SLC12A2: variants seen among roughly 807,000 people sequenced by gnomAD.
SLC12A2 encodes solute carrier family 12 member 2.
A neutral mutation model predicts 136.3 loss-of-function variants in SLC12A2; 67 were observed. That is an observed-to-expected ratio of 0.49 (90% CI 0.40 to 0.60). The LOEUF (loss-of-function observed/expected upper bound fraction) is 0.60, where lower values mean the gene tolerates loss of function less well. Among genes scored for constraint, SLC12A2 ranks in the 20% least tolerant of loss-of-function variants. SLC12A2 has a pLI of 0.00. For synonymous variants in SLC12A2, 619 were observed against 562.9 expected, an observed-to-expected ratio of 1.10 and a Z score of -1.41; for missense variants, 1,322 against 1,534.7, an observed-to-expected ratio of 0.86 and a Z score of 2.32.
intron 17 of SLC12A2, among the ~76,000 whole-genome samples, chr5:128,166,402 T>G (rs1763204654): frequency 6.6e-6 from 1 of 151,864 alleles, no homozygotes; most frequent in Non-Finnish European, 1.5e-5. Context: ...GCTGTTTTAT[T>G]CACAATAGCC....
chr5:128,110,915 GC>G (rs1449385174), intron 1 of SLC12A2: 42 of 985,278 alleles, frequency 4.3e-5, no homozygotes, highest in Middle Eastern at 2.6e-4. Flanking sequence ...ATCTGAGAGG[GC>G]ATGAAAAGGG....
intron 17 of SLC12A2, among the ~76,000 whole-genome samples, chr5:128,164,907 G>A (rs1250373274): frequency 4.1e-5 from 6 of 147,058 alleles, no homozygotes; most frequent in Non-Finnish European, 8.9e-5. Flanking sequence ...GAGTGCAGTA[G>A]CTGTAGCTGA....
At chr5:128,117,356 A>G (rs1403846189) in intron 4 of SLC12A2, among the ~76,000 whole-genome samples, 1 of 152,242 alleles carries the variant, frequency 6.6e-6, no homozygotes, top group Non-Finnish European at 1.5e-5. Flanking sequence ...GTAAATCCAT[A>G]AGTTAACAAT....
At chr5:128,087,760 T>C (rs918654033) in intron 1 of SLC12A2, among the ~76,000 whole-genome samples, 3 of 152,160 alleles carry the variant, frequency 2.0e-5, no homozygotes, top group Non-Finnish European at 2.9e-5. Context: ...CTCAAGTGAT[T>C]ACTGTGGTCT....
At chr5:128,133,988 C>T (rs1002279323) in intron 5 of SLC12A2, among the ~76,000 whole-genome samples, 177 bp from the exon 6 acceptor site, 2 of 152,022 alleles carry the variant, frequency 1.3e-5, no homozygotes, top group African/African-American at 4.8e-5. Context: ...GAATGACTAA[C>T]ACCTCAGTGG....
At position 128,167,832 on chromosome 5, in the gene SLC12A2, T is replaced by C; in HGVS notation, c.2688T>C (p.Asp896=). The C allele has an allele frequency of 6.2e-7, 1 of 1,606,618 alleles. No homozygotes were observed. Among genetic ancestry groups the C allele is most frequent in the Non-Finnish European group, 8.5e-7 (1 of 1,175,758 alleles). ...LGFKKDWLQA[D]MRDVDMYINL... ...TTAAGAAAGATTGGTTGCAAGCAGA[T>C]ATGAGGGATGTGGATATGTATATAA... is the stretch of plus-strand genomic sequence containing the variant. Residue 896 remains aspartate, a synonymous_variant, in exon 18 of 27, where the codon GAT becomes GAC. Transcript: ENST00000262461.
chr5:128,147,903 T>G (rs1229326519), intron 11 of SLC12A2, among the ~76,000 whole-genome samples, 174 bp downstream of exon 11: 2 of 128,036 alleles, frequency 1.6e-5, no homozygotes, highest in African/African-American at 4.0e-5. Flanking sequence ...TGAATGAATG[T>G]GAATGTTTAT....
intron 21 of SLC12A2, chr5:128,177,486 C>G (rs1194518664): frequency 5.5e-6 from 1 of 180,802 alleles, no homozygotes; most frequent in African/African-American, 2.4e-5. Context: ...GTGTCACTTG[C>G]ATTCTTTACC....
In SLC12A2 at chr5:128,161,655, C is replaced by T; in HGVS notation, c.2476-5C>T. 7.3e-7 allele frequency: 1 copy of T among 1,368,680 alleles called. No individual in the cohort carries two copies. The highest frequency in any genetic ancestry group is 2.9e-5 in the East Asian group (1 of 34,218). 84.8% of individuals were successfully genotyped at this position (1,368,680 alleles called of 1,614,324 possible). On this transcript the variant is annotated splice_polypyrimidine_tract_variant and splice_region_variant and intron_variant, in intron 16 of 26. Transcript: ENST00000262461. ...TAAATATATTATTAATATTTTTATT[C>T]AAAGGGTCCTCGAAGACAAGCCATG...
intron 26 of SLC12A2, among the ~76,000 whole-genome samples, chr5:128,185,884 T>C (rs146426892): frequency 7.2e-5 from 11 of 152,218 alleles, no homozygotes; most frequent in African/African-American, 2.6e-4. Context: ...CTTTTATATA[T>C]GCATATATGA....
chr5:128,126,209 G>A (rs1364172761), intron 4 of SLC12A2, among the ~76,000 whole-genome samples: 1 of 152,134 alleles, frequency 6.6e-6, no homozygotes, highest in Non-Finnish European at 1.5e-5. Flanking sequence ...TATATAAGGA[G>A]CTCAAACAAC....
chr5:128,121,727 A>G (rs1217152963), intron 4 of SLC12A2, among the ~76,000 whole-genome samples: 2 of 152,158 alleles, frequency 1.3e-5, no homozygotes, highest in Non-Finnish European at 2.9e-5. Flanking sequence ...GATAACGTTT[A>G]CTTTATTTCT....
chr5:128,087,727 G>A (rs1369676910), intron 1 of SLC12A2, among the ~76,000 whole-genome samples: 1 of 152,148 alleles, frequency 6.6e-6, no homozygotes, highest in Non-Finnish European at 1.5e-5. Context: ...GGATTGGCAG[G>A]GGCAAGAATG....
intron 5 of SLC12A2, among the ~76,000 whole-genome samples, chr5:128,133,608 A>C (rs1321999925): frequency 6.6e-6 from 1 of 152,078 alleles, no homozygotes; most frequent in Non-Finnish European, 1.5e-5. Flanking sequence ...AGTAATTGAT[A>C]AATAGCTTTT....
rs1406402350 is a variant in SLC12A2, at chr5:128,111,826, G to GTA, written c.757-974_757-973dup. On this transcript the variant is annotated intron_variant, in intron 1 of 26. Coordinates refer to ENST00000262461, the MANE Select transcript of SLC12A2 (RefSeq NM_001046.3). ...TGTGTGTATATACGTGTGTGTGTGT[G>GTA]TATATATATATATATGGAGAGAGAG... 7.3e-3 allele frequency among the ~76,000 whole-genome samples: 1,081 copies of GTA among 148,402 alleles called. 9 individuals carry two copies. Among genetic ancestry groups the GTA allele is most frequent in the South Asian group, 0.017 (79 of 4,690 alleles).
chr5:128,096,715 G>A (rs2126647014), intron 1 of SLC12A2, among the ~76,000 whole-genome samples: 1 of 152,186 alleles, frequency 6.6e-6, no homozygotes, highest in South Asian at 2.1e-4. Flanking sequence ...GTTGGGTTTA[G>A]AGAAAATATT....
At chr5:128,126,312 A>G (rs1231698633) in intron 4 of SLC12A2, among the ~76,000 whole-genome samples, 1 of 152,238 alleles carries the variant, frequency 6.6e-6, no homozygotes, top group African/African-American at 2.4e-5. Context: ...GCAAGCAGGC[A>G]TATGAAAAGG....
intron 9 of SLC12A2, among the ~76,000 whole-genome samples, chr5:128,140,173 A>C (rs1341992175): frequency 1.3e-5 from 2 of 151,876 alleles, no homozygotes; most frequent in African/African-American, 4.8e-5. Flanking sequence ...TAATTTTTGT[A>C]TTTTTAGTAG....
At chr5:128,118,826 CA>C (rs947271405) in intron 4 of SLC12A2, among the ~76,000 whole-genome samples, 4 of 151,898 alleles carry the variant, frequency 2.6e-5, no homozygotes, top group African/African-American at 9.7e-5. Flanking sequence ...CACATTATGC[CA>C]ATATCTCCAG....
Sources: allele counts gnomAD v4.1 joint callset (sites outside exome capture counted in the v4.1 genomes callset), GRCh38; gene constraint gnomAD v4.1.1; transcripts MANE v1.5; gene names NCBI Gene and HGNC (gene_info 2026-07-23, HGNC 2026-07-21).